The following MDGA2 variants were observed in gnomAD, a reference collection of about 807,000 sequenced individuals.
MDGA2 encodes the protein MAM domain-containing glycosylphosphatidylinositol anchor protein 2.
A neutral mutation model predicts 117.8 loss-of-function variants in MDGA2; 40 were observed. The ratio of observed to expected loss-of-function variants is 0.34; its 90% CI spans 0.26 to 0.44. The LOEUF (loss-of-function observed/expected upper bound fraction) is 0.44. MDGA2 is among the 20% of genes least tolerant of loss of function. The pLI is 1.00. For synonymous variants in MDGA2, 452 were observed against 439.0 expected (o/e 1.03, Z -0.37); for missense variants, 1,123 against 1,250.6 (o/e 0.90, Z 1.54).
chr14:47,275,746 G>T lies in MDGA2; in HGVS notation c.420+25665C>A, dbSNP rs114757235. 4.4e-3 allele frequency among the ~76,000 whole-genome samples: 662 copies of T among 152,148 alleles called. 3 individuals are homozygous for T. Among genetic ancestry groups the T allele is most frequent in the African/African-American group, 0.015 (633 of 41,512 alleles). ...TTTTAAACATGAAGTGTTTTGCTTA[G>T]TTTTTTTAGAGTTTAGTACATTGAA... On this transcript the variant is annotated intron_variant, in intron 2 of 16. Coordinates refer to ENST00000399232, the MANE Select transcript of MDGA2 (RefSeq NM_001113498.3).
intron 1 of MDGA2, among the ~76,000 whole-genome samples, chr14:47,467,054 G>A (rs1566471638): frequency 1.3e-5 from 2 of 152,026 alleles, no homozygotes; most frequent in Non-Finnish European, 1.5e-5. Context: ...AGATAGTGAA[G>A]GTGCCACTAA....
chr14:46,952,076 G>T (rs1316915294), intron 9 of MDGA2, among the ~76,000 whole-genome samples: 1 of 151,730 alleles, frequency 6.6e-6, no homozygotes, highest in African/African-American at 2.4e-5. Context: ...ATAGTTCAAG[G>T]ATTTTCCTTG....
intron 2 of MDGA2, among the ~76,000 whole-genome samples, chr14:47,300,664 A>ATT (rs1416346036): frequency 3.5e-5 from 5 of 141,208 alleles, no homozygotes; most frequent in Non-Finnish European, 6.2e-5. Flanking sequence ...TAATTTTTTA[A>ATT]TTTTTTTTTT....
intron 10 of MDGA2, among the ~76,000 whole-genome samples, chr14:46,914,337 G>A (rs1883821104): frequency 6.6e-6 from 1 of 151,986 alleles, no homozygotes; most frequent in Non-Finnish European, 1.5e-5. Flanking sequence ...ACTTTGTTAG[G>A]ACATAAAGAT....
At chr14:47,661,970 C>A (rs1231761116) in intron 1 of MDGA2, among the ~76,000 whole-genome samples, 1 of 152,086 alleles carries the variant, frequency 6.6e-6, no homozygotes, top group Non-Finnish European at 1.5e-5. Context: ...CTCCTGACTT[C>A]AGGTGATCCG....
intron 1 of MDGA2, among the ~76,000 whole-genome samples, chr14:47,424,535 C>T (rs1304606602): frequency 6.6e-6 from 1 of 152,114 alleles, no homozygotes; most frequent in Admixed American, 6.6e-5. Context: ...CCCTTATACT[C>T]ATTTGTATAT....
Position 47,131,078 on chromosome 14 carries a change from A to T in MDGA2, c.925+636T>A, listed in dbSNP as rs150868245. Among the ~76,000 whole-genome samples, 148 of 152,030 alleles carry T rather than the reference A, an allele frequency of 9.7e-4. 2 individuals are homozygous for T. Among genetic ancestry groups the T allele is most frequent in the East Asian group, 8.9e-3 (46 of 5,178 alleles). ...AATTGGAGTTTCTCAAAACCAGTTC[A>T]AATTTTAATTTATTAAAGTAATTCT... On this transcript the variant is annotated intron_variant, in intron 5 of 16. Transcript: ENST00000399232.
chr14:46,997,718 C>T (rs1887347873), intron 8 of MDGA2, among the ~76,000 whole-genome samples: 1 of 152,010 alleles, frequency 6.6e-6, no homozygotes, highest in Non-Finnish European at 1.5e-5. Context: ...GAGGTGGCCT[C>T]AAGGGGCAGA....
intron 1 of MDGA2, among the ~76,000 whole-genome samples, chr14:47,352,789 T>C (rs1162142519): frequency 6.6e-6 from 1 of 152,164 alleles, no homozygotes; most frequent in Non-Finnish European, 1.5e-5. Flanking sequence ...TCGAGAGCAT[T>C]TGAGGAGGGG....
At chr14:47,052,033 T>A (rs890842393) in intron 7 of MDGA2, among the ~76,000 whole-genome samples, 19 of 151,936 alleles carry the variant, frequency 1.3e-4, no homozygotes, top group African/African-American at 4.1e-4. Flanking sequence ...TGGAAGCATT[T>A]ATTCTTTATC....
At chr14:47,237,074 C>T (rs1409353226) in intron 2 of MDGA2, among the ~76,000 whole-genome samples, 1 of 152,056 alleles carries the variant, frequency 6.6e-6, no homozygotes, top group Non-Finnish European at 1.5e-5. Flanking sequence ...AGCAAGTCTT[C>T]CCTATCCCAC....
chr14:47,329,531 G>A (rs1347423570), intron 1 of MDGA2, among the ~76,000 whole-genome samples: 1 of 151,964 alleles, frequency 6.6e-6, no homozygotes, highest in African/African-American at 2.4e-5. Flanking sequence ...TGAGCATATC[G>A]CTTTTCTGTA....
At chr14:47,451,360 G>A (rs547278383) in intron 1 of MDGA2, among the ~76,000 whole-genome samples, 1 of 135,488 alleles carries the variant, frequency 7.4e-6, no homozygotes, top group African/African-American at 2.7e-5. Flanking sequence ...AGAATGTTTT[G>A]ATTTTTTTTC....
At chr14:47,570,620 A>C (rs1399181231) in intron 1 of MDGA2, among the ~76,000 whole-genome samples, 2 of 152,180 alleles carry the variant, frequency 1.3e-5, no homozygotes, top group Non-Finnish European at 2.9e-5. Context: ...CAACCATCTG[A>C]TATTTGACAA....
At chr14:47,122,405 G>A (rs531875797) in intron 5 of MDGA2, among the ~76,000 whole-genome samples, 141 of 152,126 alleles carry the variant, frequency 9.3e-4, no homozygotes, top group African/African-American at 3.1e-3. Context: ...GTGACCAATT[G>A]TTTTGTTTTG....
At chr14:47,322,997 T>C (rs949400214) in intron 1 of MDGA2, among the ~76,000 whole-genome samples, 2 of 151,648 alleles carry the variant, frequency 1.3e-5, no homozygotes, top group African/African-American at 4.8e-5. Flanking sequence ...CCATACATAA[T>C]GAAGGAGAGA....
At chr14:47,591,451 C>T (rs192407084) in intron 1 of MDGA2, among the ~76,000 whole-genome samples, 2 of 152,200 alleles carry the variant, frequency 1.3e-5, no homozygotes, top group East Asian at 3.9e-4. Context: ...TTTTATGAAG[C>T]CAGCAACATA....
chr14:47,167,274 C>T (rs760294119), intron 3 of MDGA2, among the ~76,000 whole-genome samples: 4 of 152,046 alleles, frequency 2.6e-5, no homozygotes, highest in Non-Finnish European at 5.9e-5. Flanking sequence ...ATTAGTTTAT[C>T]ATACTGGTTA....
intron 1 of MDGA2, among the ~76,000 whole-genome samples, chr14:47,348,552 T>G (rs1275618488): frequency 1.3e-5 from 2 of 152,148 alleles, no homozygotes; most frequent in African/African-American, 4.8e-5. Context: ...TCATGAGAAT[T>G]AGAAATTAAA....
Sources: allele counts gnomAD v4.1 joint callset (sites outside exome capture counted in the v4.1 genomes callset), GRCh38; gene constraint gnomAD v4.1.1; transcripts MANE v1.5; gene names NCBI Gene and HGNC (gene_info 2026-07-23, HGNC 2026-07-21).